The following DOCK7 variants were observed in gnomAD, a reference collection of about 807,000 sequenced individuals.
DOCK7 encodes the protein dedicator of cytokinesis 7.
DOCK7 carries 138 observed loss-of-function variants against 271.0 expected under a neutral mutation model. The observed-to-expected ratio is 0.51, with a 90% CI of 0.44 to 0.59. The LOEUF is 0.59. DOCK7 is among the 20% of genes least tolerant of loss of function. The pLI is 0.00. For missense variants in DOCK7, 2,066 were observed against 2,592.4 expected, an observed-to-expected ratio of 0.80 and a Z score of 4.41; for synonymous variants, 823 against 876.1, an observed-to-expected ratio of 0.94 and a Z score of 1.07.
At chr1:62,648,708 T>A (rs1656973141) in intron 4 of DOCK7, among the ~76,000 whole-genome samples, 164 bp from the exon 5 acceptor site, 2 of 152,106 alleles carry the variant, frequency 1.3e-5, no homozygotes, top group Non-Finnish European at 2.9e-5. Context: ...TATTCAATGT[T>A]CCTTTAACCC....
chr1:62,670,744 A>G (rs1659888689), intron 1 of DOCK7, among the ~76,000 whole-genome samples: 1 of 152,176 alleles, frequency 6.6e-6, no homozygotes, highest in Non-Finnish European at 1.5e-5. Context: ...CGCACCAATC[A>G]GCGCCCTGAC....
intron 27 of DOCK7, among the ~76,000 whole-genome samples, chr1:62,538,343 T>A (rs1373057386): frequency 6.6e-6 from 1 of 152,234 alleles, no homozygotes; most frequent in Non-Finnish European, 1.5e-5. Context: ...AGGGAAAACG[T>A]ATATCACCAA....
At chr1:62,593,777 G>C (rs2149516384) in intron 14 of DOCK7, among the ~76,000 whole-genome samples, 1 of 152,232 alleles carries the variant, frequency 6.6e-6, no homozygotes, top group Non-Finnish European at 1.5e-5. Context: ...TGATAGGTGA[G>C]TGGTTCTAAC....
chr1:62,654,038 A>T lies in DOCK7; in HGVS notation c.266T>A (p.Val89Asp), dbSNP rs1657690601. ...TCTGCAGTCCCGAGGACTATAAACA[A>T]CTTCAATATCATCTGGAGGAAATTC... ...LIEFPPDDIEVVYSPRDCRTL... is the reference protein window; with the variant it reads ...LIEFPPDDIEDVYSPRDCRTL... The change falls in exon 3 of 50, where the codon GTT becomes GAT. Residue 89 changes from valine to aspartate, a missense_variant. Physicochemically the swap from Val to Asp is radical, Grantham distance 152. Coordinates refer to ENST00000635253, the MANE Select transcript of DOCK7 (RefSeq NM_001367561.1). 1 of 1,613,864 alleles carries T rather than the reference A, an allele frequency of 6.2e-7. No homozygotes were observed. The highest frequency in any genetic ancestry group is 1.3e-5 in the African/African-American group (1 of 74,908).
At chr1:62,586,303 G>C (rs548153238) in intron 15 of DOCK7, among the ~76,000 whole-genome samples, 14 of 152,006 alleles carry the variant, frequency 9.2e-5, no homozygotes, top group African/African-American at 3.4e-4. Flanking sequence ...TGTATTTCTA[G>C]GAGTGCCTAA....
intron 31 of DOCK7, among the ~76,000 whole-genome samples, chr1:62,519,631 A>C (rs937367627): frequency 2.0e-5 from 3 of 152,302 alleles, no homozygotes; most frequent in Non-Finnish European, 4.4e-5. Flanking sequence ...CACAGATGAC[A>C]GAAGGGAGAA....
rs779996348 is a variant in DOCK7, at chr1:62,528,199, T to C, written c.3888A>G (p.Thr1296=). The C allele has an allele frequency of 1.2e-5, 19 of 1,613,752 alleles. No homozygotes were observed. In the East Asian group the frequency reaches 3.1e-4, roughly 27 times the overall value. Residue 1296 remains threonine, a synonymous_variant, in exon 31 of 50, where the codon ACA becomes ACG. Transcript: ENST00000635253. ...SQTVAMAIAG[T]SVPQLTRPGS... is the part of the protein sequence containing the mutation. ...CAGGCCTTGTTAGTTGAGGGACCGA[T>C]GTCCCTGCGATTGCCATGGCAACGG... is the stretch of plus-strand genomic sequence containing the variant.
chr1:62,595,483 G>A (rs895708555), intron 14 of DOCK7, among the ~76,000 whole-genome samples: 1 of 152,134 alleles, frequency 6.6e-6, no homozygotes, highest in African/African-American at 2.4e-5. Context: ...TATGAAATCC[G>A]GGATTCTGAT....
At chr1:62,510,292 C>T (rs1644445771) in intron 34 of DOCK7, among the ~76,000 whole-genome samples, 1 of 152,062 alleles carries the variant, frequency 6.6e-6, no homozygotes, top group Non-Finnish European at 1.5e-5. Flanking sequence ...AATGTGACAC[C>T]TAAAATATGT....
chr1:62,455,464 A>C lies in DOCK7; in HGVS notation c.6381-8T>G. On this transcript the variant is annotated splice_polypyrimidine_tract_variant and splice_region_variant and intron_variant, in intron 49 of 49. Transcript: ENST00000635253. ...ATTCGACTGAAGGAATCTCTGGGAA[A>C]AAAATGAGAGGACATAGTTAGTTAA... 6.2e-7 allele frequency: 1 copy of C among 1,613,456 alleles called. No homozygotes were observed. The highest frequency in any genetic ancestry group is 8.5e-7 in the Non-Finnish European group (1 of 1,179,646).
intron 18 of DOCK7, among the ~76,000 whole-genome samples, chr1:62,562,739 T>C (rs988775181): frequency 1.3e-5 from 2 of 152,130 alleles, no homozygotes; most frequent in Non-Finnish European, 2.9e-5. Context: ...TCCTGGGTTT[T>C]ACTTTTGCCT....
intron 37 of DOCK7, among the ~76,000 whole-genome samples, chr1:62,500,896 G>A (rs1442579661): frequency 6.6e-6 from 1 of 152,140 alleles, no homozygotes; most frequent in African/African-American, 2.4e-5. Flanking sequence ...AACTGGCTGG[G>A]TGCAATGGTT....
At chr1:62,492,990 C>T in intron 40 of DOCK7, 143 bp from the exon 41 acceptor site, 1 of 607,832 alleles carries the variant, frequency 1.6e-6, no homozygotes, top group Non-Finnish European at 2.7e-6. Flanking sequence ...AGATAAATCT[C>T]TAAAAACTTT....
chr1:62,528,404 T>A, intron 30 of DOCK7, 99 bp from the exon 31 acceptor site: 1 of 1,108,336 alleles, frequency 9.0e-7, no homozygotes, highest in African/African-American at 1.6e-5. Flanking sequence ...CTTGTTGACA[T>A]GTTATAGTTA....
intron 14 of DOCK7, chr1:62,609,579 A>C (rs1651482225): frequency 6.6e-6 from 1 of 152,218 alleles, no homozygotes; most frequent in African/African-American, 2.4e-5. Flanking sequence ...TATACTTTTT[A>C]AAAACAGGTT....
rs950792988 is a variant in DOCK7 at position 62,518,173 on chromosome 1, T to G, written c.3937-4275A>C. 7.9e-5 allele frequency among the ~76,000 whole-genome samples: 12 copies of G among 152,134 alleles called. 1 individual carries two copies. Among genetic ancestry groups the G allele is most frequent in the African/African-American group, 2.9e-4 (12 of 41,514 alleles). On this transcript the variant is annotated intron_variant, in intron 31 of 49. Transcript: ENST00000635253. ...AAAACTGGCTGGATGTGGTGGCTCA[T>G]GCCTGTAATCCCAGCACTTTGGGAG... is the stretch of plus-strand genomic sequence containing the variant.
chr1:62,563,894 A>G (rs1247708354), intron 18 of DOCK7, among the ~76,000 whole-genome samples: 7 of 95,066 alleles, frequency 7.4e-5, no homozygotes, highest in Admixed American at 2.6e-4. Context: ...AAAAAAAAAA[A>G]AAAAAAAAAA....
chr1:62,601,226 A>C (rs781293662), intron 14 of DOCK7: 6 of 1,406,458 alleles, frequency 4.3e-6, no homozygotes, highest in Admixed American at 1.7e-5. Context: ...TTCCTTCTTG[A>C]AGCTATTATT....
intron 7 of DOCK7, among the ~76,000 whole-genome samples, chr1:62,643,285 A>C (rs1656259290): frequency 6.6e-6 from 1 of 152,240 alleles, no homozygotes; most frequent in East Asian, 1.9e-4. Context: ...AATTATGAGA[A>C]ATACTGAACA....
Sources: gnomAD v4.1 joint callset for allele counts (sites outside exome capture counted in the v4.1 genomes callset) on GRCh38, gnomAD v4.1.1 for gene constraint, MANE v1.5 for transcripts, NCBI Gene and HGNC (gene_info 2026-07-23, HGNC 2026-07-21) for gene names.